SCAPER: variants seen among roughly 807,000 people sequenced by gnomAD.
SCAPER encodes S-phase cyclin A associated protein in the ER, also known as S phase cyclin A-associated protein in the endoplasmic reticulum.
A neutral mutation model predicts 182.2 loss-of-function variants in SCAPER; 98 were observed. The observed-to-expected ratio is 0.54, with a 90% CI of 0.46 to 0.64. SCAPER has a LOEUF of 0.64. Ranked by LOEUF, SCAPER falls within the 30% of genes least tolerant of loss-of-function variation. The pLI is 0.00. For synonymous variants in SCAPER, 605 were observed against 564.6 expected, an observed-to-expected ratio of 1.07 and a Z score of -1.01; for missense variants, 1,432 against 1,690.0, an observed-to-expected ratio of 0.85 and a Z score of 2.68.
intron 29 of SCAPER, among the ~76,000 whole-genome samples, chr15:76,361,345 G>GTGTTACTCTA (rs2041401373): frequency 6.6e-6 from 1 of 152,178 alleles, no homozygotes; most frequent in South Asian, 2.1e-4. Flanking sequence ...TATTTGCTGA[G>GTGTTACTCTA]CATCTACTCT....
intron 23 of SCAPER, among the ~76,000 whole-genome samples, chr15:76,570,045 AT>A (rs2047326758): frequency 6.6e-6 from 1 of 152,074 alleles, no homozygotes; most frequent in Non-Finnish European, 1.5e-5. Flanking sequence ...TGTTGAGATA[AT>A]TTGAGACTTA....
At chr15:76,881,974 T>G (rs976779798) in intron 2 of SCAPER, among the ~76,000 whole-genome samples, 2 of 152,246 alleles carry the variant, frequency 1.3e-5, no homozygotes, top group Non-Finnish European at 2.9e-5. Flanking sequence ...AAATGAACAC[T>G]GTTTTATAGT....
chr15:76,462,042 C>T (rs1181717849), intron 25 of SCAPER, among the ~76,000 whole-genome samples: 1 of 152,104 alleles, frequency 6.6e-6, no homozygotes, highest in Non-Finnish European at 1.5e-5. Flanking sequence ...CCCTTTGTAG[C>T]TTTTCTCCTC....
chr15:76,768,282 A>G (rs979979904), intron 10 of SCAPER, among the ~76,000 whole-genome samples: 1 of 152,200 alleles, frequency 6.6e-6, no homozygotes, highest in African/African-American at 2.4e-5. Context: ...ATAATAGCAC[A>G]GTGGAAACAA....
At chr15:76,574,053 A>T in intron 23 of SCAPER, 105 bp downstream of exon 23, 1 of 1,096,334 alleles carries the variant, frequency 9.1e-7, no homozygotes, top group South Asian at 3.6e-5. Flanking sequence ...TTTAAAAAAC[A>T]CAGAAGAAAG....
chr15:76,801,066 C>A (rs932905894), intron 6 of SCAPER, among the ~76,000 whole-genome samples: 3 of 152,182 alleles, frequency 2.0e-5, no homozygotes, highest in Non-Finnish European at 4.4e-5. Context: ...ATTTCACTGG[C>A]AAATAGTATT....
At chr15:76,456,245 A>C (rs1432047682) in intron 25 of SCAPER, among the ~76,000 whole-genome samples, 2 of 152,160 alleles carry the variant, frequency 1.3e-5, no homozygotes, top group Non-Finnish European at 2.9e-5. Flanking sequence ...GAATTGCCAC[A>C]CTTTCTTCCA....
intron 24 of SCAPER, among the ~76,000 whole-genome samples, chr15:76,486,784 G>A (rs1234459004): frequency 2.0e-5 from 3 of 152,130 alleles, no homozygotes; most frequent in African/African-American, 4.8e-5. Flanking sequence ...ATAGTGTGGC[G>A]ATTCCTCAAA....
intron 23 of SCAPER, among the ~76,000 whole-genome samples, chr15:76,537,697 C>G (rs192100071): frequency 6.6e-6 from 1 of 151,794 alleles, no homozygotes. Flanking sequence ...GCAATGGCAA[C>G]GAAAGCCAAA....
At chr15:76,704,726 G>C (rs543309218) in intron 18 of SCAPER, among the ~76,000 whole-genome samples, 54 of 152,298 alleles carry the variant, frequency 3.5e-4, no homozygotes, top group African/African-American at 1.2e-3. Context: ...CCATCAAAGA[G>C]TGGGCGAAGG....
intron 26 of SCAPER, among the ~76,000 whole-genome samples, chr15:76,432,528 A>G (rs1381521307): frequency 6.6e-6 from 1 of 152,258 alleles, no homozygotes; most frequent in African/African-American, 2.4e-5. Flanking sequence ...CATAAGCTTC[A>G]GAGAGCAACA....
intron 29 of SCAPER, among the ~76,000 whole-genome samples, chr15:76,373,593 A>G (rs1354202590): frequency 1.3e-5 from 2 of 152,102 alleles, no homozygotes; most frequent in African/African-American, 4.8e-5. Flanking sequence ...TGTGCTGTAG[A>G]GGTAGGAGGG....
At chr15:76,720,713 T>C (rs934748240) in intron 17 of SCAPER, among the ~76,000 whole-genome samples, 35 of 152,358 alleles carry the variant, frequency 2.3e-4, no homozygotes, top group African/African-American at 7.2e-4. Context: ...GGTTCTTGGC[T>C]GCATAAATGT....
At chr15:76,579,038 G>A (rs62030412) in intron 22 of SCAPER, among the ~76,000 whole-genome samples, 10,204 of 151,934 alleles carry the variant, frequency 0.067, 378 homozygotes, top group Middle Eastern at 0.1. Context: ...AGGCTGAGGC[G>A]GGCAGATCAC....
At chr15:76,649,426 C>T (rs568683485) in intron 21 of SCAPER, among the ~76,000 whole-genome samples, 1 of 151,784 alleles carries the variant, frequency 6.6e-6, no homozygotes, top group Non-Finnish European at 1.5e-5. Context: ...TGAGACAATC[C>T]CCCTGCTCCC....
intron 27 of SCAPER, among the ~76,000 whole-genome samples, chr15:76,395,567 T>G (rs2043991492): frequency 6.6e-6 from 1 of 152,202 alleles, no homozygotes; most frequent in African/African-American, 2.4e-5. Context: ...GATATCTCTT[T>G]GTAGTTTTGA....
At chr15:76,498,580 C>T (rs1029285442) in intron 24 of SCAPER, 4 of 152,132 alleles carry the variant, frequency 2.6e-5, no homozygotes, top group African/African-American at 9.7e-5. Flanking sequence ...GTAGTCATAC[C>T]CCAATGTGAC....
chr15:76,789,226 C>T (rs953860201), intron 8 of SCAPER, among the ~76,000 whole-genome samples: 12 of 151,768 alleles, frequency 7.9e-5, no homozygotes, highest in African/African-American at 2.9e-4. Flanking sequence ...CCTTTAAATA[C>T]ATATAATGTA....
At chr15:76,783,342 G>A (rs2064310673) in intron 8 of SCAPER, among the ~76,000 whole-genome samples, 2 of 152,030 alleles carry the variant, frequency 1.3e-5, no homozygotes, top group South Asian at 2.1e-4. Context: ...GGAAGAAATC[G>A]AATCTCTGAA....
Sources: allele counts gnomAD v4.1 joint callset (sites outside exome capture counted in the v4.1 genomes callset), GRCh38; gene constraint gnomAD v4.1.1; transcripts MANE v1.5; gene names NCBI Gene and HGNC (gene_info 2026-07-23, HGNC 2026-07-21).